The following FMN2 variants were observed in gnomAD, a reference collection of about 807,000 sequenced individuals.
FMN2 encodes the protein formin-2.
Under a neutral mutation model 142.3 loss-of-function variants are expected in FMN2, and 51 were observed. That is an observed-to-expected ratio of 0.36 (90% CI 0.29 to 0.45). The LOEUF (loss-of-function observed/expected upper bound fraction) is 0.45. Among genes scored for constraint, FMN2 ranks in the 20% least tolerant of loss-of-function variants. The pLI, the probability that FMN2 is intolerant of heterozygous loss-of-function variation, is 1.00. For missense variants in FMN2, 1,936 were observed against 2,122.8 expected, an observed-to-expected ratio of 0.91 and a Z score of 1.73; for synonymous variants, 882 against 869.8, an observed-to-expected ratio of 1.01 and a Z score of -0.25.
intron 3 of FMN2, among the ~76,000 whole-genome samples, chr1:240,186,995 G>A (rs187747805): frequency 9.4e-4 from 143 of 151,930 alleles, no homozygotes; most frequent in Non-Finnish European, 1.7e-3. Context: ...GGCCGAGCAC[G>A]GTGGCTCATG....
In FMN2 at chr1:240,474,121, T is replaced by C; in HGVS notation, c.5143-7T>C. The C allele has an allele frequency of 1.9e-6, 3 of 1,561,510 alleles. No homozygotes were observed. Among genetic ancestry groups the C allele is most frequent in the Non-Finnish European group, 2.6e-6 (3 of 1,162,448 alleles). ...CTAAAACTTTTATCTGGTGTATTTGTTTTCAGAAAGCAAAGATAAGCATGA... is the reference window on the plus strand; with the variant it reads ...CTAAAACTTTTATCTGGTGTATTTGCTTTCAGAAAGCAAAGATAAGCATGA... On this transcript the variant is annotated splice_region_variant and splice_polypyrimidine_tract_variant and intron_variant, in intron 17 of 17. Coordinates refer to ENST00000319653, the MANE Select transcript of FMN2 (RefSeq NM_020066.5).
chr1:240,241,111 G>A (rs1055912297), intron 6 of FMN2, among the ~76,000 whole-genome samples: 1 of 152,118 alleles, frequency 6.6e-6, no homozygotes, highest in Non-Finnish European at 1.5e-5. Flanking sequence ...TAAACAAACT[G>A]TGAAATTTAG....
chr1:240,299,559 T>C (rs543242611), intron 8 of FMN2, among the ~76,000 whole-genome samples: 19 of 152,308 alleles, frequency 1.2e-4, no homozygotes, highest in African/African-American at 4.1e-4. Context: ...GATCCCGTTA[T>C]GTGTAATTTT....
intron 16 of FMN2, among the ~76,000 whole-genome samples, chr1:240,450,797 A>G (rs1419815769): frequency 6.6e-6 from 1 of 152,200 alleles, no homozygotes; most frequent in African/African-American, 2.4e-5. Context: ...TTCTGTCTGG[A>G]TAGCTGTGCC....
chr1:240,356,013 A>G (rs533190190), intron 14 of FMN2, 105 bp downstream of exon 14: 7 of 736,108 alleles, frequency 9.5e-6, no homozygotes, highest in Non-Finnish European at 1.5e-5. Flanking sequence ...TAAAAAATAC[A>G]TATTGCTTTA....
intron 7 of FMN2, among the ~76,000 whole-genome samples, chr1:240,279,517 T>C (rs10495462): frequency 0.42 from 64,049 of 151,912 alleles, 13,926 homozygotes; most frequent in East Asian, 0.64. Flanking sequence ...GCACAGTAAA[T>C]AGAAGGAAAA....
chr1:240,355,950 GCAAAAAAAAAAAAAAAAAAAAA>G, intron 14 of FMN2, 42 bp downstream of exon 14: 1 of 86,168 alleles, frequency 1.2e-5, no homozygotes, highest in Non-Finnish European at 2.1e-5. Context: ...TCCCCTTTCA[GCAAAAAAAAAAAAAAAAAAAAA>G]AAAAAAAAAA....
chr1:240,228,284 C>T (rs1249937563), intron 6 of FMN2, among the ~76,000 whole-genome samples: 1 of 68,740 alleles, frequency 1.5e-5, no homozygotes, highest in East Asian at 4.7e-4. Flanking sequence ...GCCTGGGCAA[C>T]AAGAGTGAAA....
chr1:240,290,711 T>C (rs996290962), intron 7 of FMN2, among the ~76,000 whole-genome samples: 24 of 152,070 alleles, frequency 1.6e-4, no homozygotes, highest in Non-Finnish European at 2.9e-4. Context: ...TATCTAGACA[T>C]TGGCATTTGA....
chr1:240,144,164 G>A (rs189855392), intron 2 of FMN2: 31 of 1,408,788 alleles, frequency 2.2e-5, no homozygotes, highest in African/African-American at 1.3e-4. Flanking sequence ...TCAACATTCC[G>A]TGGTCCTTGT....
intron 4 of FMN2, among the ~76,000 whole-genome samples, chr1:240,204,724 C>G (rs572075455): frequency 6.6e-6 from 1 of 152,120 alleles, no homozygotes; most frequent in Non-Finnish European, 1.5e-5. Flanking sequence ...GCACTCCAGC[C>G]TGGGCGACAA....
chr1:240,464,842 T>G (rs960284647), intron 16 of FMN2, among the ~76,000 whole-genome samples: 5 of 152,174 alleles, frequency 3.3e-5, no homozygotes, highest in African/African-American at 1.2e-4. Flanking sequence ...TTTTTAAAGC[T>G]TGATTTTCTT....
intron 16 of FMN2, chr1:240,459,326 G>A (rs1676358479): frequency 1.3e-5 from 2 of 152,106 alleles, no homozygotes; most frequent in African/African-American, 4.8e-5. Context: ...AAGCAATTGT[G>A]TTTTCCTTCC....
intron 7 of FMN2, among the ~76,000 whole-genome samples, chr1:240,264,151 T>A (rs2102907546): frequency 6.6e-6 from 1 of 152,276 alleles, no homozygotes; most frequent in African/African-American, 2.4e-5. Context: ...GGCTCTTAGA[T>A]TTCAATTAGA....
chr1:240,376,396 CCTT>C (rs1225608205), intron 14 of FMN2, among the ~76,000 whole-genome samples: 4 of 151,908 alleles, frequency 2.6e-5, no homozygotes, highest in East Asian at 1.9e-4. Flanking sequence ...CTATTGTTTT[CCTT>C]CTTTTTTTCT....
chr1:240,123,014 A>G (rs978221452), intron 1 of FMN2, among the ~76,000 whole-genome samples, 165 bp from the exon 2 acceptor site: 3 of 152,210 alleles, frequency 2.0e-5, no homozygotes, highest in African/African-American at 7.2e-5. Flanking sequence ...CTCTGGCCTC[A>G]GACTACAGAG....
chr1:240,262,595 A>G (rs1340850573), intron 7 of FMN2, among the ~76,000 whole-genome samples: 1 of 152,064 alleles, frequency 6.6e-6, no homozygotes, highest in African/African-American at 2.4e-5. Flanking sequence ...GTCCATTTTC[A>G]TAGATAACAG....
chr1:240,138,757 T>A (rs1247409325), intron 2 of FMN2, among the ~76,000 whole-genome samples: 1 of 152,170 alleles, frequency 6.6e-6, no homozygotes, highest in African/African-American at 2.4e-5. Context: ...TTTCCCCCTT[T>A]TAAAGGACTT....
Position 240,473,937 on chromosome 1 carries a change from G to T in FMN2, c.5143-191G>T, listed in dbSNP as rs1367600742. Among the ~76,000 whole-genome samples the T allele has an allele frequency of 6.8e-6, 1 of 146,696 alleles. No individual in the cohort carries two copies. Among genetic ancestry groups the T allele is most frequent in the African/African-American group, 2.4e-5 (1 of 41,060 alleles). On this transcript the variant is annotated intron_variant, in intron 17 of 17. Coordinates refer to ENST00000319653, the MANE Select transcript of FMN2 (RefSeq NM_020066.5). This position sits in a 1 kb window ranked among gnomAD's most constrained non-coding sequence, Gnocchi z 4.3. ...TTTTCTCAAAAGTATTTGGCGATTT[G>T]TCTTGATAAAAGTGCTCAAAGATAA...
Sources: gnomAD v4.1 joint callset for allele counts (sites outside exome capture counted in the v4.1 genomes callset) on GRCh38, gnomAD v4.1.1 for gene constraint, Gnocchi (gnomAD v3.1) non-coding constraint, MANE v1.5 for transcripts, NCBI Gene and HGNC (gene_info 2026-07-23, HGNC 2026-07-21) for gene names.